The following ADAMTSL1 variants were observed in gnomAD, a reference collection of about 807,000 sequenced individuals.
The protein encoded by ADAMTSL1 is ADAMTS-like protein 1.
ADAMTSL1 carries 126 observed loss-of-function variants against 201.8 expected under a neutral mutation model. The observed-to-expected ratio is 0.62, with a 90% CI of 0.54 to 0.72. The LOEUF (loss-of-function observed/expected upper bound fraction) is 0.72. Among genes scored for constraint, ADAMTSL1 ranks in the 30% least tolerant of loss-of-function variants. ADAMTSL1 has a pLI of 0.00. For missense variants in ADAMTSL1, 2,679 were observed against 2,277.8 expected, an observed-to-expected ratio of 1.18 and a Z score of -3.59; for synonymous variants, 1,121 against 903.4, an observed-to-expected ratio of 1.24 and a Z score of -4.32.
At chr9:18,845,661 T>C (rs1826058001) in intron 23 of ADAMTSL1, among the ~76,000 whole-genome samples, 1 of 152,236 alleles carries the variant, frequency 6.6e-6, no homozygotes, top group South Asian at 2.1e-4. Flanking sequence ...TGCTGAGAAT[T>C]GCAGAACCCA....
At chr9:18,096,507 G>A (rs1299585043) in intron 1 of ADAMTSL1, among the ~76,000 whole-genome samples, 5 of 152,142 alleles carry the variant, frequency 3.3e-5, no homozygotes, top group East Asian at 1.9e-4. Flanking sequence ...AGGAGATGGG[G>A]GTGGTGGAGA....
intron 1 of ADAMTSL1, among the ~76,000 whole-genome samples, chr9:18,063,890 T>C (rs999718498): frequency 1.3e-5 from 2 of 152,130 alleles, no homozygotes; most frequent in African/African-American, 4.8e-5. Context: ...ACCTCCTTTA[T>C]GAGTGGGTGT....
intron 2 of ADAMTSL1, among the ~76,000 whole-genome samples, chr9:18,373,290 C>G (rs975818605): frequency 2.0e-5 from 3 of 152,162 alleles, no homozygotes; most frequent in Admixed American, 1.3e-4. Flanking sequence ...TTCCACTTTT[C>G]TGTGAGGTCA....
chr9:18,064,255 C>G (rs903810126), intron 1 of ADAMTSL1, among the ~76,000 whole-genome samples: 1 of 151,836 alleles, frequency 6.6e-6, no homozygotes, highest in African/African-American at 2.4e-5. Context: ...GTGGAATGAT[C>G]AATGTAGTCT....
rs768608454 is a variant in ADAMTSL1, at chr9:18,770,581, T to C, written c.2218-21T>C. 4 of 1,594,772 alleles carry C rather than the reference T, an allele frequency of 2.5e-6. No homozygotes were observed. In the African/African-American group the frequency reaches 4.0e-5, roughly 16 times the overall value. ...CCCATATTGGGTCTACTTTTTCTTC[T>C]TTCCTTCTTTCTTTCCCCAGTGTTC... On this transcript the variant is annotated intron_variant, in intron 16 of 28. Transcript: ENST00000380548.
intron 12 of ADAMTSL1, among the ~76,000 whole-genome samples, chr9:18,682,800 A>G (rs1042235463): frequency 6.6e-6 from 1 of 152,204 alleles, no homozygotes; most frequent in Non-Finnish European, 1.5e-5. Flanking sequence ...CCTAATTGCA[A>G]CTGAATGGCA....
At chr9:18,654,852 A>G (rs1828524628) in intron 7 of ADAMTSL1, among the ~76,000 whole-genome samples, 1 of 152,232 alleles carries the variant, frequency 6.6e-6, no homozygotes, top group Non-Finnish European at 1.5e-5. Context: ...CAAGCTTTCC[A>G]AAGTCATGAC....
At chr9:18,598,737 C>T (rs1047771780) in intron 4 of ADAMTSL1, among the ~76,000 whole-genome samples, 1 of 152,170 alleles carries the variant, frequency 6.6e-6, no homozygotes, top group Non-Finnish European at 1.5e-5. Flanking sequence ...CCATAGTGAT[C>T]TCAGGGTGGC....
intron 1 of ADAMTSL1, among the ~76,000 whole-genome samples, chr9:18,155,054 A>G (rs1827091112): frequency 6.6e-6 from 1 of 152,066 alleles, no homozygotes; most frequent in South Asian, 2.1e-4. Flanking sequence ...ATGCCAAAGC[A>G]CTATCTGTAG....
intron 1 of ADAMTSL1, among the ~76,000 whole-genome samples, chr9:18,133,804 A>G (rs1826047326): frequency 6.6e-6 from 1 of 152,154 alleles, no homozygotes; most frequent in South Asian, 2.1e-4. Context: ...TAGGTAGGGT[A>G]AGAATTACTT....
chr9:18,458,345 C>G (rs1820683995), intron 2 of ADAMTSL1, among the ~76,000 whole-genome samples: 1 of 152,124 alleles, frequency 6.6e-6, no homozygotes. Context: ...GTGAGATACA[C>G]TCAATATTTT....
At chr9:18,770,577 C>T (rs1563784272) in intron 16 of ADAMTSL1, 25 bp from the exon 17 acceptor site, 2 of 1,584,794 alleles carry the variant, frequency 1.3e-6, no homozygotes, top group Admixed American at 1.8e-5. Context: ...TCTACTTTTT[C>T]TTCTTTCCTT....
rs1225975826 is a variant in ADAMTSL1 at position 18,027,900 on chromosome 9, T to A, written c.87+120978T>A. Reference sequence around the variant, plus strand: ...TTTATAAATCTGGGTGCTCCAATGATGGGTATGTATGTATTCAGGAGAGTT... The same window carrying A: ...TTTATAAATCTGGGTGCTCCAATGAAGGGTATGTATGTATTCAGGAGAGTT... On this transcript the variant is annotated intron_variant, in intron 1 of 29. Transcript: ENST00000680146. Among the ~76,000 whole-genome samples the A allele has an allele frequency of 2.0e-5, 3 of 152,142 alleles. No homozygotes were observed. The East Asian group carries it at 5.8e-4, about 29-fold the overall frequency.
At chr9:18,064,978 T>C (rs1267593567) in intron 1 of ADAMTSL1, among the ~76,000 whole-genome samples, 1 of 126,342 alleles carries the variant, frequency 7.9e-6, no homozygotes, top group Non-Finnish European at 1.7e-5. Context: ...TTTTTTTTTT[T>C]TTTTTTTTTT....
At chr9:18,071,357 G>A (rs1008303257) in intron 1 of ADAMTSL1, among the ~76,000 whole-genome samples, 2 of 152,196 alleles carry the variant, frequency 1.3e-5, no homozygotes, top group Admixed American at 1.3e-4. Context: ...GTGTCTGTCT[G>A]TTCCTTATTC....
At chr9:18,137,838 G>T (rs1045789256) in intron 1 of ADAMTSL1, among the ~76,000 whole-genome samples, 1 of 152,148 alleles carries the variant, frequency 6.6e-6, no homozygotes, top group Non-Finnish European at 1.5e-5. Flanking sequence ...TTGGTGCAGA[G>T]CAGTAACTTT....
chr9:18,403,187 T>C, intron 2 of ADAMTSL1, among the ~76,000 whole-genome samples: 1 of 152,188 alleles, frequency 6.6e-6, no homozygotes, highest in South Asian at 2.1e-4. Context: ...CATTTTATTA[T>C]TATTTTATTT....
intron 2 of ADAMTSL1, among the ~76,000 whole-genome samples, chr9:18,434,829 A>C (rs540663711): frequency 6.6e-6 from 1 of 152,200 alleles, no homozygotes; most frequent in African/African-American, 2.4e-5. Flanking sequence ...GTATCACCTT[A>C]TTCAGTATTC....
chr9:18,115,785 G>A (rs1045169589), intron 1 of ADAMTSL1, among the ~76,000 whole-genome samples: 3 of 152,036 alleles, frequency 2.0e-5, no homozygotes, highest in African/African-American at 4.8e-5. Context: ...ATGCTTGTTC[G>A]TGGCCACATA....
Sources: allele counts gnomAD v4.1 joint callset (sites outside exome capture counted in the v4.1 genomes callset), GRCh38; gene constraint gnomAD v4.1.1; transcripts MANE v1.5; gene names NCBI Gene and HGNC (gene_info 2026-07-23, HGNC 2026-07-21).